The following PTPRK variants were observed in gnomAD, a reference collection of about 807,000 sequenced individuals.
PTPRK encodes protein tyrosine phosphatase receptor type K.
A neutral mutation model predicts 178.0 loss-of-function variants in PTPRK; 75 were observed. The ratio of observed to expected loss-of-function variants is 0.42; its 90% CI spans 0.35 to 0.51. The LOEUF (loss-of-function observed/expected upper bound fraction) is 0.51. Ranked by LOEUF, PTPRK falls within the 20% of genes least tolerant of loss-of-function variation. The probability of loss-of-function intolerance (pLI) is 0.02; values close to 1 mark genes in which losing one functional copy is unlikely to be tolerated. For synonymous variants in PTPRK, 637 were observed against 620.6 expected, an observed-to-expected ratio of 1.03 and a Z score of -0.39; for missense variants, 1,441 against 1,797.8, an observed-to-expected ratio of 0.80 and a Z score of 3.59.
Position 128,431,118 on chromosome 6 carries a change from T to C in PTPRK, c.101-33430A>G, listed in dbSNP as rs143542221. The stretch of plus-strand genomic sequence containing the variant: ...CATGCCCGGCTAATTTTTGTATTTT[T>C]AGTAGAGACGGGTTTCACCATGTTG... On this transcript the variant is annotated intron_variant, in intron 1 of 29. Coordinates refer to ENST00000368226, the MANE Select transcript of PTPRK (RefSeq NM_002844.4). Among the ~76,000 whole-genome samples the C allele has an allele frequency of 1.2e-3, 178 of 152,056 alleles. 3 individuals carry two copies. In the East Asian group the frequency reaches 0.026, roughly 23 times the overall value.
At chr6:127,981,312 G>T (rs373916726) in intron 24 of PTPRK, 23 bp from the exon 25 acceptor site, 371 of 1,600,506 alleles carry the variant, frequency 2.3e-4, no homozygotes, top group Non-Finnish European at 2.9e-4. Flanking sequence ...GAGAACCCAG[G>T]TTAAAAGACA....
intron 1 of PTPRK, among the ~76,000 whole-genome samples, chr6:128,416,071 A>T (rs1842814517): frequency 1.3e-5 from 2 of 152,138 alleles, no homozygotes; most frequent in Non-Finnish European, 2.9e-5. Flanking sequence ...TGCCTGTCCT[A>T]AACAGGACTA....
chr6:128,263,577 C>T lies in PTPRK; in HGVS notation c.496-20975G>A, dbSNP rs1340807828. Reference sequence around the variant, plus strand: ...GCAATATCAGGAGCACAGGTAATAACAAAATGCAGCAAAATAATAAGAAAG... The same window carrying T: ...GCAATATCAGGAGCACAGGTAATAATAAAATGCAGCAAAATAATAAGAAAG... On this transcript the variant is annotated intron_variant, in intron 3 of 29. Coordinates refer to ENST00000368226, the MANE Select transcript of PTPRK (RefSeq NM_002844.4). 2.0e-5 allele frequency among the ~76,000 whole-genome samples: 3 copies of T among 152,094 alleles called. No homozygotes were observed. In the East Asian group the frequency reaches 5.8e-4, roughly 29 times the overall value.
intron 2 of PTPRK, among the ~76,000 whole-genome samples, chr6:128,346,470 C>T (rs1230205006): frequency 6.6e-6 from 1 of 151,808 alleles, no homozygotes; most frequent in East Asian, 1.9e-4. Flanking sequence ...TAAAACTTTA[C>T]TAATAGTCTG....
intron 1 of PTPRK, among the ~76,000 whole-genome samples, chr6:128,504,065 A>G (rs1332427402): frequency 1.3e-5 from 2 of 152,172 alleles, no homozygotes; most frequent in Non-Finnish European, 2.9e-5. Context: ...TATTTGATAA[A>G]AATGTACAGA....
chr6:128,344,846 T>G (rs1210799452), intron 2 of PTPRK, among the ~76,000 whole-genome samples: 1 of 152,142 alleles, frequency 6.6e-6, no homozygotes, highest in East Asian at 1.9e-4. Context: ...GACTTTTGTC[T>G]GCACTGCTCA....
chr6:128,510,208 C>T (rs1443071268), intron 1 of PTPRK, among the ~76,000 whole-genome samples: 1 of 152,168 alleles, frequency 6.6e-6, no homozygotes, highest in Non-Finnish European at 1.5e-5. Context: ...ATTGAAGGTC[C>T]ATTACGGACC....
chr6:128,129,516 A>G (rs893308524), intron 7 of PTPRK, among the ~76,000 whole-genome samples: 5 of 152,166 alleles, frequency 3.3e-5, no homozygotes, highest in Non-Finnish European at 7.4e-5. Context: ...TATTAGAAAC[A>G]TATTGCACAC....
chr6:128,110,706 T>C (rs1418266225), intron 7 of PTPRK, among the ~76,000 whole-genome samples: 2 of 152,212 alleles, frequency 1.3e-5, no homozygotes, highest in East Asian at 1.9e-4. Flanking sequence ...TGATTCAGTG[T>C]TGAAGAAAAT....
At chr6:128,330,672 T>C (rs1458113835) in intron 2 of PTPRK, among the ~76,000 whole-genome samples, 1 of 152,130 alleles carries the variant, frequency 6.6e-6, no homozygotes, top group Non-Finnish European at 1.5e-5. Flanking sequence ...TTCTGATACA[T>C]AGCCAGGTTA....
chr6:128,088,544 T>C (rs2115020703), intron 8 of PTPRK, among the ~76,000 whole-genome samples: 1 of 152,232 alleles, frequency 6.6e-6, no homozygotes, highest in Admixed American at 6.5e-5. Flanking sequence ...TATGGCACAC[T>C]TTTTTTCTAC....
intron 13 of PTPRK, among the ~76,000 whole-genome samples, chr6:128,059,615 C>A (rs1322937882): frequency 6.6e-6 from 1 of 152,130 alleles, no homozygotes; most frequent in African/African-American, 2.4e-5. Context: ...ACAGTTAACA[C>A]TGACAGTTTG....
Position 127,992,111 on chromosome 6 carries a change from GC to G in PTPRK, c.2881+561del, listed in dbSNP as rs113660992. ...TCAATTTAGAGAGATAACTACAGAT[GC>G]TTTTTTTGTTGTTGTTATTTGGATA... On this transcript the variant is annotated intron_variant, in intron 19 of 29. Coordinates refer to ENST00000368226, the MANE Select transcript of PTPRK (RefSeq NM_002844.4). 7.2e-5 allele frequency among the ~76,000 whole-genome samples: 11 copies of G among 151,824 alleles called. No individual in the cohort carries two copies. The South Asian group carries it at 1.7e-3, about 23-fold the overall frequency.
Position 128,054,887 on chromosome 6 carries a change from A to G in PTPRK, c.2194+9871T>C, listed in dbSNP as rs193258159. ...TAATCCTGCTTTGCCACAGGTCATG[A>G]GGATATGAAATGACACTTTAAATAG... On this transcript the variant is annotated intron_variant, in intron 13 of 29. Coordinates refer to ENST00000368226, the MANE Select transcript of PTPRK (RefSeq NM_002844.4). Among the ~76,000 whole-genome samples the G allele has an allele frequency of 3.1e-4, 47 of 152,340 alleles. 1 individual carries two copies. The highest frequency in any genetic ancestry group is 5.3e-4 in the Non-Finnish European group (36 of 68,036).
chr6:128,227,263 A>G (rs1811515775), intron 5 of PTPRK, among the ~76,000 whole-genome samples: 1 of 152,204 alleles, frequency 6.6e-6, no homozygotes, highest in Non-Finnish European at 1.5e-5. Context: ...CAACTATAAA[A>G]CCATGCAATT....
chr6:128,002,813 G>C (rs887329613), intron 15 of PTPRK, among the ~76,000 whole-genome samples: 29 of 151,810 alleles, frequency 1.9e-4, no homozygotes, highest in African/African-American at 7.0e-4. Context: ...AAATTGGGAG[G>C]ATTTAGAAAC....
At position 128,506,131 on chromosome 6, in the gene PTPRK, G is replaced by T. The variant is rs563131637; in HGVS notation, c.100+14128C>A. On this transcript the variant is annotated intron_variant, in intron 1 of 29. Coordinates refer to ENST00000368226, the MANE Select transcript of PTPRK (RefSeq NM_002844.4). ...TTCCTTTCTCATTCTATAACCATTG[G>T]GGAAACAATATACCAACATTCTTAG... Among the ~76,000 whole-genome samples the T allele has an allele frequency of 7.0e-4, 106 of 152,218 alleles. 2 individuals carry two copies. In the South Asian group the frequency reaches 0.014, roughly 20 times the overall value.
At chr6:128,144,102 C>T (rs1026313764) in intron 7 of PTPRK, among the ~76,000 whole-genome samples, 2 of 152,094 alleles carry the variant, frequency 1.3e-5, no homozygotes, top group African/African-American at 4.8e-5. Flanking sequence ...CATTGTCCCA[C>T]CACAGCTAAG....
At chr6:128,515,207 A>C (rs1035031678) in intron 1 of PTPRK, among the ~76,000 whole-genome samples, 1 of 152,256 alleles carries the variant, frequency 6.6e-6, no homozygotes, top group Non-Finnish European at 1.5e-5. Flanking sequence ...GAACTTAAAG[A>C]CTTCAGAAAC....
Sources: allele counts gnomAD v4.1 joint callset (sites outside exome capture counted in the v4.1 genomes callset), GRCh38; gene constraint gnomAD v4.1.1; transcripts MANE v1.5; gene names NCBI Gene and HGNC (gene_info 2026-07-23, HGNC 2026-07-21).